DDC: variants seen among roughly 807,000 people sequenced by gnomAD.
The protein encoded by DDC is aromatic-L-amino-acid decarboxylase.
DDC carries 43 observed loss-of-function variants against 60.0 expected under a neutral mutation model. The observed-to-expected ratio is 0.72, with a 90% CI of 0.56 to 0.92. The LOEUF is 0.92. Ranked by LOEUF, DDC falls within the 40% of genes least tolerant of loss-of-function variation. The pLI, the probability that DDC is intolerant of heterozygous loss-of-function variation, is 0.00. For synonymous variants in DDC, 232 were observed against 234.6 expected (o/e 0.99, Z 0.10); for missense variants, 573 against 620.2 (o/e 0.92, Z 0.81).
chr7:50,460,053 AGGT>A (rs2042228909), intron 14 of DDC, among the ~76,000 whole-genome samples: 1 of 120,852 alleles, frequency 8.3e-6, no homozygotes, highest in South Asian at 2.8e-4. Flanking sequence ...TCCGGGAAGG[AGGT>A]GGGGGGGGTC....
Position 50,479,821 on chromosome 7 carries a change from G to A in DDC, c.987C>T (p.Asp329=), listed in dbSNP as rs771564251. 6.2e-7 allele frequency: 1 copy of A among 1,613,634 alleles called. No homozygotes were observed. Among genetic ancestry groups the A allele is most frequent in the Non-Finnish European group, 8.5e-7 (1 of 1,180,014 alleles). The change falls in exon 10 of 15, where the codon GAC becomes GAT. Residue 329 remains aspartate, a synonymous_variant. Coordinates refer to ENST00000444124, the MANE Select transcript of DDC (RefSeq NM_001082971.2). The part of the protein sequence containing the change: ...RTDLTGAFRL[D]PTYLKHSHQD... ...GATGGCTGTGCTTCAGGTAAGTGGG[G>A]TCCAGTCTAAAGGCTCCCGTTAAGT...
chr7:50,490,461 G>A (rs1451315998), intron 9 of DDC, among the ~76,000 whole-genome samples: 2 of 152,198 alleles, frequency 1.3e-5, no homozygotes, highest in Non-Finnish European at 2.9e-5. Context: ...ATGAGGTCAG[G>A]AGATCGAGAT....
At chr7:50,550,278 G>A (rs956204373) in intron 1 of DDC, among the ~76,000 whole-genome samples, 4 of 152,162 alleles carry the variant, frequency 2.6e-5, no homozygotes, top group Admixed American at 6.5e-5. Flanking sequence ...TCAGATGATC[G>A]TTAGCATTTT....
At chr7:50,557,993 A>G (rs954943966) in intron 1 of DDC, among the ~76,000 whole-genome samples, 9 of 152,228 alleles carry the variant, frequency 5.9e-5, no homozygotes, top group Non-Finnish European at 1.3e-4. Flanking sequence ...GAAAGTTTAT[A>G]TGATAACTAC....
chr7:50,484,496 T>C (rs1401166102), intron 9 of DDC, among the ~76,000 whole-genome samples: 9 of 152,222 alleles, frequency 5.9e-5, no homozygotes, highest in African/African-American at 2.2e-4. Context: ...CTTCCCATTA[T>C]ACTTTATTCA....
intron 6 of DDC, among the ~76,000 whole-genome samples, chr7:50,508,045 C>A (rs1019066326): frequency 6.6e-6 from 1 of 152,226 alleles, no homozygotes; most frequent in African/African-American, 2.4e-5. Flanking sequence ...CCCTGGGACA[C>A]CAGTCCCTGA....
At chr7:50,465,251 C>A (rs1186067811) in intron 13 of DDC, among the ~76,000 whole-genome samples, 2 of 152,126 alleles carry the variant, frequency 1.3e-5, no homozygotes, top group Admixed American at 1.3e-4. Context: ...AGATTAGTAG[C>A]CCTGAGGATG....
intron 4 of DDC, 106 bp downstream of exon 4, chr7:50,537,753 AT>A (rs2044467304): frequency 6.3e-6 from 9 of 1,418,900 alleles, no homozygotes; most frequent in Non-Finnish European, 8.0e-6. Flanking sequence ...TCCAGGAGAA[AT>A]TTGAGGAACT....
chr7:50,537,037 GTTTTT>G (rs10574868), intron 4 of DDC, among the ~76,000 whole-genome samples: 4 of 140,354 alleles, frequency 2.8e-5, no homozygotes, highest in African/African-American at 2.6e-5. Flanking sequence ...CTAGGAAGTT[GTTTTT>G]TTTTTTTTTT....
intron 6 of DDC, among the ~76,000 whole-genome samples, chr7:50,519,287 CT>C (rs1489424552): frequency 6.6e-6 from 1 of 152,188 alleles, no homozygotes; most frequent in Non-Finnish European, 1.5e-5. Flanking sequence ...TTCTACACTG[CT>C]GGTAGGAATG....
intron 6 of DDC, among the ~76,000 whole-genome samples, chr7:50,527,177 G>T (rs902909709): frequency 1.2e-4 from 18 of 152,152 alleles, no homozygotes; most frequent in Non-Finnish European, 1.6e-4. Context: ...TTTGCTTACT[G>T]ATATGTAAGC....
intron 9 of DDC, among the ~76,000 whole-genome samples, chr7:50,483,381 A>G (rs2042812472): frequency 6.6e-6 from 1 of 152,154 alleles, no homozygotes; most frequent in Admixed American, 6.5e-5. Flanking sequence ...ATTTTTTAAA[A>G]TCTCATTGGA....
intron 9 of DDC, among the ~76,000 whole-genome samples, chr7:50,485,114 T>C (rs1477095903): frequency 6.6e-6 from 1 of 152,176 alleles, no homozygotes; most frequent in African/African-American, 2.4e-5. Context: ...AAATAATTTG[T>C]GGCAAAATTT....
At position 50,504,618 on chromosome 7, in the gene DDC, T is replaced by C. The variant is rs1257762493; in HGVS notation, c.715-559A>G. 5.3e-5 allele frequency among the ~76,000 whole-genome samples: 8 copies of C among 151,962 alleles called. 1 individual carries two copies. The South Asian group carries it at 1.5e-3, about 28-fold the overall frequency. ...TTCTATATATATATGTGTGTGTATA[T>C]ATATACATATATAGAGAATGTAAGA... is the stretch of plus-strand genomic sequence containing the variant. On this transcript the variant is annotated intron_variant, in intron 6 of 14. Coordinates refer to ENST00000444124, the MANE Select transcript of DDC (RefSeq NM_001082971.2).
At chr7:50,509,377 T>C (rs916653610) in intron 6 of DDC, among the ~76,000 whole-genome samples, 1 of 152,228 alleles carries the variant, frequency 6.6e-6, no homozygotes, top group African/African-American at 2.4e-5. Context: ...TTTGTTTCTC[T>C]TAATGAAATG....
intron 11 of DDC, among the ~76,000 whole-genome samples, chr7:50,472,582 A>G (rs73695701): frequency 0.039 from 5,969 of 152,188 alleles, 247 homozygotes; most frequent in African/African-American, 0.1. Flanking sequence ...GTCTTTCAAT[A>G]GGTTCAGCAA....
At chr7:50,534,846 T>C (rs1415719307) in intron 4 of DDC, among the ~76,000 whole-genome samples, 1 of 152,152 alleles carries the variant, frequency 6.6e-6, no homozygotes, top group Non-Finnish European at 1.5e-5. Context: ...AGGACTGATG[T>C]TCCAGAGGCC....
intron 6 of DDC, among the ~76,000 whole-genome samples, chr7:50,510,485 A>AGTT (rs1312104007): frequency 1.3e-5 from 2 of 151,616 alleles, no homozygotes; most frequent in African/African-American, 2.4e-5. Flanking sequence ...TCTGACCAAC[A>AGTT]TGGTGAAACC....
At position 50,460,570 on chromosome 7, in the gene DDC, C is replaced by G. The variant is rs530187578; in HGVS notation, c.*19-1727G>C. ...GGTGTACCCAACAGCTCATTGAGAA[C>G]GGGCCATGATGACAATGGCGGTTTT... On this transcript the variant is annotated intron_variant, in intron 14 of 14. Coordinates refer to ENST00000444124, the MANE Select transcript of DDC (RefSeq NM_001082971.2). Among the ~76,000 whole-genome samples the G allele has an allele frequency of 1.7e-4, 26 of 151,604 alleles. 1 individual carries two copies. Among genetic ancestry groups the G allele is most frequent in the African/African-American group, 5.9e-4 (24 of 40,928 alleles).
Sources: gnomAD v4.1 joint callset for allele counts (sites outside exome capture counted in the v4.1 genomes callset) on GRCh38, gnomAD v4.1.1 for gene constraint, MANE v1.5 for transcripts, NCBI Gene and HGNC (gene_info 2026-07-23, HGNC 2026-07-21) for gene names.